Variants in PARD3B observed in about 807,000 individuals in gnomAD.
PARD3B encodes par-3 family cell polarity regulator beta.
Under a neutral mutation model 130.2 loss-of-function variants are expected in PARD3B, and 103 were observed. The ratio of observed to expected loss-of-function variants is 0.79; its 90% CI spans 0.67 to 0.93. PARD3B has a LOEUF of 0.93. Ranked by LOEUF, PARD3B falls within the 40% of genes least tolerant of loss-of-function variation. PARD3B has a pLI of 0.00. For missense variants in PARD3B, 1,609 were observed against 1,499.2 expected, an observed-to-expected ratio of 1.07 and a Z score of -1.21; for synonymous variants, 583 against 553.2, an observed-to-expected ratio of 1.05 and a Z score of -0.76.
Position 205,572,637 on chromosome 2 carries a change from C to T in PARD3B, c.3260+19234C>T, listed in dbSNP as rs190186569. 7.2e-5 allele frequency among the ~76,000 whole-genome samples: 11 copies of T among 152,148 alleles called. No individual in the cohort carries two copies. The East Asian group carries it at 9.7e-4, about 13-fold the overall frequency. On this transcript the variant is annotated intron_variant, in intron 22 of 22. Coordinates refer to ENST00000406610, the MANE Select transcript of PARD3B (RefSeq NM_001302769.2). The surrounding 1 kb of genome is among the most constrained non-coding windows in gnomAD (Gnocchi z 4.2). ...GTGGGCACCTGTAGTCCCAGTTACT[C>T]GGGAGGCTGAGGGAGGAGAATTGCT...
At chr2:205,034,538 G>A (rs1176309517) in intron 3 of PARD3B, among the ~76,000 whole-genome samples, 2 of 152,072 alleles carry the variant, frequency 1.3e-5, no homozygotes, top group Admixed American at 1.3e-4. Flanking sequence ...AATGACTCAA[G>A]GGGAGACAAA....
chr2:205,050,044 T>G (rs1214289944), intron 4 of PARD3B, among the ~76,000 whole-genome samples: 1 of 152,068 alleles, frequency 6.6e-6, no homozygotes, highest in Non-Finnish European at 1.5e-5. Context: ...GTGCCTTATG[T>G]ATCTTTATCT....
In PARD3B at chr2:204,620,605, G is replaced by A. The variant is rs184629296; in HGVS notation, c.121-65576G>A. Reference sequence around the variant, plus strand: ...GTATGCTGAAATAATGCCTGCTGCTGAGGAAGAAATGAGAAGGTGTTAGAG... The same window carrying A: ...GTATGCTGAAATAATGCCTGCTGCTAAGGAAGAAATGAGAAGGTGTTAGAG... On this transcript the variant is annotated intron_variant, in intron 1 of 22. Coordinates refer to ENST00000406610, the MANE Select transcript of PARD3B (RefSeq NM_001302769.2). 2.0e-5 allele frequency among the ~76,000 whole-genome samples: 3 copies of A among 152,300 alleles called. No individual in the cohort carries two copies. In the East Asian group the frequency reaches 5.8e-4, roughly 29 times the overall value.
intron 3 of PARD3B, among the ~76,000 whole-genome samples, chr2:205,018,655 A>G (rs1236234531): frequency 7.2e-6 from 1 of 139,198 alleles, no homozygotes; most frequent in Non-Finnish European, 1.5e-5. Flanking sequence ...GTTTTTCTTG[A>G]CCCAAGGTTA....
At chr2:204,794,634 C>T (rs766987441) in intron 2 of PARD3B, among the ~76,000 whole-genome samples, 6 of 152,150 alleles carry the variant, frequency 3.9e-5, no homozygotes, top group Non-Finnish European at 7.4e-5. Context: ...AACATGTAGT[C>T]AAATAATCAG....
chr2:204,635,218 C>T (rs939519631), intron 1 of PARD3B, among the ~76,000 whole-genome samples: 1 of 152,132 alleles, frequency 6.6e-6, no homozygotes, highest in African/African-American at 2.4e-5. Flanking sequence ...ATCTTTCAGG[C>T]TCATTTTGTA....
intron 18 of PARD3B, among the ~76,000 whole-genome samples, chr2:205,375,569 G>C (rs1485896661): frequency 6.6e-6 from 1 of 152,154 alleles, no homozygotes; most frequent in East Asian, 1.9e-4. Flanking sequence ...GGAGAGATTT[G>C]TGGCAAGACA....
At chr2:205,323,666 A>C (rs2042836600) in intron 18 of PARD3B, among the ~76,000 whole-genome samples, 1 of 152,180 alleles carries the variant, frequency 6.6e-6, no homozygotes, top group African/African-American at 2.4e-5. Context: ...GTCAACATTT[A>C]GCCCTGAAGG....
chr2:204,673,910 T>A lies in PARD3B; in HGVS notation c.121-12271T>A, dbSNP rs1485947156. Among the ~76,000 whole-genome samples the A allele has an allele frequency of 6.6e-6, 1 of 152,182 alleles. No homozygotes were observed. The highest frequency in any genetic ancestry group is 1.5e-5 in the Non-Finnish European group (1 of 68,038). ...AGAAAGGACTGCCATTGACCTGCAG[T>A]CTACAGTGTTTCTGCTTCTCCCATG... is the stretch of plus-strand genomic sequence containing the variant. On this transcript the variant is annotated intron_variant, in intron 1 of 22. Transcript: ENST00000406610. The surrounding 1 kb of genome is among the most constrained non-coding windows in gnomAD (Gnocchi z 4.7).
intron 10 of PARD3B, among the ~76,000 whole-genome samples, chr2:205,152,669 A>G (rs2033842087): frequency 6.6e-6 from 1 of 151,988 alleles, no homozygotes; most frequent in African/African-American, 2.4e-5. Flanking sequence ...TCTTTTTTCA[A>G]GGTTTTTAGC....
intron 22 of PARD3B, among the ~76,000 whole-genome samples, chr2:205,598,686 A>G (rs2054663680): frequency 6.6e-6 from 1 of 152,200 alleles, no homozygotes; most frequent in Admixed American, 6.6e-5. Flanking sequence ...CTGCACAGGG[A>G]ACATACCTAA....
chr2:205,274,183 A>G lies in PARD3B; in HGVS notation c.2186-26347A>G, dbSNP rs1266674778. ...TAAATTACTATTGCCTATAATTTTC[A>G]TATATATTATAACCTCTGAAGAGAA... On this transcript the variant is annotated intron_variant, in intron 16 of 22. Transcript: ENST00000406610. The surrounding 1 kb of genome is among the most constrained non-coding windows in gnomAD (Gnocchi z 4.2). 1.3e-5 allele frequency among the ~76,000 whole-genome samples: 2 copies of G among 152,102 alleles called. No homozygotes were observed. The highest frequency in any genetic ancestry group is 2.9e-5 in the Non-Finnish European group (2 of 68,024).
intron 16 of PARD3B, among the ~76,000 whole-genome samples, chr2:205,248,636 T>C (rs1464708735): frequency 4.0e-5 from 5 of 123,530 alleles, no homozygotes; most frequent in African/African-American, 1.6e-4. Flanking sequence ...TGAGACGGAG[T>C]GGCTCTGTCC....
Position 205,158,760 on chromosome 2 carries a change from A to T in PARD3B, c.1473A>T (p.Thr491=), listed in dbSNP as rs1402214913. 3.1e-6 allele frequency: 5 copies of T among 1,614,208 alleles called. No homozygotes were observed. The highest frequency in any genetic ancestry group is 4.2e-6 in the Non-Finnish European group (5 of 1,180,022). The change falls in exon 11 of 23, where the codon ACA becomes ACT. Residue 491 remains threonine, a synonymous_variant. Transcript: ENST00000406610. The surrounding 1 kb of genome is among the most constrained non-coding windows in gnomAD (Gnocchi z 5.4). ...EPDCCALSLE[T]SEQLTFEIPL... Reference sequence around the variant, plus strand: ...ACTGCTGTGCACTCTCTCTGGAGACAAGCGAGCAGCTCACCTTTGAGATCC... The same window carrying T: ...ACTGCTGTGCACTCTCTCTGGAGACTAGCGAGCAGCTCACCTTTGAGATCC...
intron 2 of PARD3B, among the ~76,000 whole-genome samples, chr2:204,879,331 A>G (rs948120662): frequency 5.3e-5 from 8 of 152,214 alleles, no homozygotes; most frequent in African/African-American, 1.9e-4. Context: ...GTCTCAGGAC[A>G]TGCTCAAGGC....
intron 18 of PARD3B, among the ~76,000 whole-genome samples, chr2:205,346,924 T>C (rs983846246): frequency 2.0e-5 from 3 of 152,200 alleles, no homozygotes; most frequent in African/African-American, 7.2e-5. Flanking sequence ...TAATGCTCGG[T>C]GGGTGGCCTT....
intron 3 of PARD3B, among the ~76,000 whole-genome samples, chr2:205,017,007 C>A (rs1696197947): frequency 6.6e-6 from 1 of 152,008 alleles, no homozygotes; most frequent in Non-Finnish European, 1.5e-5. Flanking sequence ...CTGGAATAAT[C>A]CATGGAAGTG....
rs2054123798 is a variant in PARD3B, at chr2:205,584,566, T to C, written c.3261-30890T>C. ...GGTGGCGGGTGCCTGTAATCCCAGC[T>C]ACTCGGGAGGCTGAGGCAGGAGAAT... On this transcript the variant is annotated intron_variant, in intron 22 of 22. Coordinates refer to ENST00000406610, the MANE Select transcript of PARD3B (RefSeq NM_001302769.2). The surrounding 1 kb of genome is among the most constrained non-coding windows in gnomAD (Gnocchi z 5.5). Among the ~76,000 whole-genome samples the C allele has an allele frequency of 1.3e-5, 2 of 151,926 alleles. No individual in the cohort carries two copies. Among genetic ancestry groups the C allele is most frequent in the African/African-American group, 4.8e-5 (2 of 41,366 alleles).
chr2:204,609,598 T>C (rs1009550302), intron 1 of PARD3B, among the ~76,000 whole-genome samples: 24 of 152,106 alleles, frequency 1.6e-4, no homozygotes, highest in Admixed American at 1.4e-3. Flanking sequence ...TAGTTGAAAA[T>C]TGGTTGAAAG....
Sources: allele counts gnomAD v4.1 joint callset (sites outside exome capture counted in the v4.1 genomes callset), GRCh38; gene constraint gnomAD v4.1.1; non-coding constraint Gnocchi (gnomAD v3.1); transcripts MANE v1.5; gene names NCBI Gene and HGNC (gene_info 2026-07-23, HGNC 2026-07-21).